The following LIPJ variants were observed in gnomAD, a reference collection of about 807,000 sequenced individuals.
The protein encoded by LIPJ is lipase family member J.
Under a neutral mutation model 39.8 loss-of-function variants are expected in LIPJ, and 33 were observed. The ratio of observed to expected loss-of-function variants is 0.83; its 90% CI spans 0.63 to 1.11. LIPJ has a LOEUF of 1.11. Among genes scored for constraint, LIPJ ranks in the 50% least tolerant of loss-of-function variants. The pLI, the probability that LIPJ is intolerant of heterozygous loss-of-function variation, is 0.00. For missense variants in LIPJ, 422 were observed against 427.9 expected (o/e 0.99, Z 0.12); for synonymous variants, 128 against 139.2 (o/e 0.92, Z 0.57).
intron 8 of LIPJ, among the ~76,000 whole-genome samples, chr10:88,600,983 G>A (rs534091491): frequency 1.3e-5 from 2 of 151,680 alleles, no homozygotes; most frequent in Non-Finnish European, 2.9e-5. Context: ...GAGTTTTGCT[G>A]TGTCAGCCAA....
Position 88,594,288 on chromosome 10 carries a change from T to G in LIPJ, c.329+144T>G, listed in dbSNP as rs541422526. 113 of 645,554 alleles carry G rather than the reference T, an allele frequency of 1.8e-4. 1 individual carries two copies. In the South Asian group the frequency reaches 2.3e-3, roughly 13 times the overall value. 40.0% of individuals were successfully genotyped at this position (645,554 alleles called of 1,614,324 possible). A position where few individuals can be genotyped will look rare whatever the true frequency, so the allele number is the denominator to read the frequency against. On this transcript the variant is annotated intron_variant, in intron 5 of 10. Coordinates refer to ENST00000371939, the Ensembl canonical transcript of LIPJ. Reference sequence around the variant, plus strand: ...ATTACAATTTATGTGAATTTTTGCTTGAAAATTAAAGAGTACTTGTGTGAT... The same window carrying G: ...ATTACAATTTATGTGAATTTTTGCTGGAAAATTAAAGAGTACTTGTGTGAT...
At chr10:88,596,492 T>A in intron 7 of LIPJ, 76 bp downstream of exon 7, 3 of 1,382,714 alleles carry the variant, frequency 2.2e-6, no homozygotes, top group Non-Finnish European at 1.9e-6. Flanking sequence ...AGATCTTGAC[T>A]ATACGTAGAC....
chr10:88,622,177 T>A, the LIPJ span, among the ~76,000 whole-genome samples: 2 of 152,226 alleles, frequency 1.3e-5, no homozygotes, highest in Non-Finnish European at 2.9e-5. Flanking sequence ...AATAGTTGAC[T>A]GACTGATTTT....
intron 8 of LIPJ, 112 bp from the exon 9 acceptor site, chr10:88,602,464 A>T: frequency 1.7e-6 from 1 of 598,760 alleles, no homozygotes; most frequent in Non-Finnish European, 2.7e-6. Context: ...TAATATGATT[A>T]ATTTTAAATT....
At chr10:88,606,301 C>G (rs1375105898) in intron 10 of LIPJ, among the ~76,000 whole-genome samples, 1 of 152,128 alleles carries the variant, frequency 6.6e-6, no homozygotes, top group African/African-American at 2.4e-5. Flanking sequence ...TCAAAGAGAT[C>G]AGAGTTGACG....
chr10:88,606,975 T>G (rs1564941369), exon 11 of LIPJ: 1 of 1,376,358 alleles, frequency 7.3e-7, no homozygotes, highest in African/African-American at 1.5e-5. Flanking sequence ...TATTTTTTTT[T>G]ACCTGTGTAT....
At chr10:88,608,281 C>A (rs1851709793), downstream of LIPJ, among the ~76,000 whole-genome samples, 1 of 152,228 alleles carries the variant, frequency 6.6e-6, no homozygotes, top group African/African-American at 2.4e-5. Context: ...TCGCCTCTCT[C>A]ACATCTCACC....
At chr10:88,608,055 C>T (rs1349437530), downstream of LIPJ, among the ~76,000 whole-genome samples, 5 of 152,184 alleles carry the variant, frequency 3.3e-5, no homozygotes, top group Non-Finnish European at 7.4e-5. Context: ...ACACTCTGCT[C>T]TTAACAAGGC....
At chr10:88,593,204 G>T (rs752586803) in intron 4 of LIPJ, 5 of 151,722 alleles carry the variant, frequency 3.3e-5, no homozygotes, top group Non-Finnish European at 7.4e-5. Context: ...ACCAGGCGGT[G>T]GTCATAGCCT....
intron 2 of LIPJ, among the ~76,000 whole-genome samples, chr10:88,589,257 C>T (rs1433724353): frequency 6.6e-6 from 1 of 151,778 alleles, no homozygotes; most frequent in Non-Finnish European, 1.5e-5. Context: ...AAGCTATTTC[C>T]ATGTACTTAT....
intron 9 of LIPJ, among the ~76,000 whole-genome samples, chr10:88,604,420 T>C (rs560173912): frequency 6.6e-6 from 1 of 152,314 alleles, no homozygotes; most frequent in East Asian, 1.9e-4. Flanking sequence ...TAGACTATAG[T>C]AGAACAAGAG....
At chr10:88,592,496 T>G (rs547350300) in intron 4 of LIPJ, 1 of 151,808 alleles carries the variant, frequency 6.6e-6, no homozygotes, top group Non-Finnish European at 1.5e-5. Flanking sequence ...TAGGATAAAG[T>G]AGGGTAAAGA....
At chr10:88,606,407 A>T (rs1851665727) in intron 10 of LIPJ, among the ~76,000 whole-genome samples, 1 of 152,210 alleles carries the variant, frequency 6.6e-6, no homozygotes, top group South Asian at 2.1e-4. Context: ...TATAAACAGT[A>T]CTGAAATTAC....
At chr10:88,603,475 A>T (rs1851562970) in intron 9 of LIPJ, among the ~76,000 whole-genome samples, 1 of 152,218 alleles carries the variant, frequency 6.6e-6, no homozygotes, top group Admixed American at 6.5e-5. Flanking sequence ...TTGATAAAAA[A>T]AATCCAGTGT....
At chr10:88,612,485 C>T in the LIPJ span, among the ~76,000 whole-genome samples, 1 of 152,038 alleles carries the variant, frequency 6.6e-6, no homozygotes, top group Non-Finnish European at 1.5e-5. Flanking sequence ...CTTCAGGGGA[C>T]TCACCTAACA....
At chr10:88,594,565 A>G (rs946936736) in intron 5 of LIPJ, 102 bp from the exon 6 acceptor site, 5 of 520,448 alleles carry the variant, frequency 9.6e-6, no homozygotes, top group Non-Finnish European at 1.7e-5. Flanking sequence ...ATTAATAACT[A>G]GAGTAGAAAA....
At chr10:88,586,389 C>T (rs1231351624), upstream of LIPJ, among the ~76,000 whole-genome samples, 1 of 151,966 alleles carries the variant, frequency 6.6e-6, no homozygotes, top group Admixed American at 6.6e-5. Context: ...TGAGACAGCC[C>T]CCATGTCTAA....
At position 88,590,923 on chromosome 10, in the gene LIPJ, A is replaced by G. The variant is rs527681984; in HGVS notation, c.9+227A>G. Among the ~76,000 whole-genome samples the G allele has an allele frequency of 2.0e-5, 3 of 151,932 alleles. No homozygotes were observed. In the South Asian group the frequency reaches 6.2e-4, roughly 31 times the overall value. On this transcript the variant is annotated intron_variant, in intron 3 of 10. Coordinates refer to ENST00000371939, the Ensembl canonical transcript of LIPJ. ...TCACATATTTGAAATATATATTCAT[A>G]TATATGAAGGTATGAATATATATCT...
rs113853713 is a variant in LIPJ at position 88,606,227 on chromosome 10, C to T, written c.868-447C>T. Among the ~76,000 whole-genome samples the T allele has an allele frequency of 2.3e-3, 349 of 152,270 alleles. 1 individual carries two copies. The highest frequency in any genetic ancestry group is 7.5e-3 in the African/African-American group (310 of 41,554). ...TCCATACTTTTCTGTCTCATCTAAACGCCAGGCTGATGTGATCTGTTCATA... is the reference window on the plus strand; with the variant it reads ...TCCATACTTTTCTGTCTCATCTAAATGCCAGGCTGATGTGATCTGTTCATA... On this transcript the variant is annotated intron_variant, in intron 10 of 10. Transcript: ENST00000371939.
Sources: allele counts gnomAD v4.1 joint callset (sites outside exome capture counted in the v4.1 genomes callset), GRCh38; gene constraint gnomAD v4.1.1; transcripts MANE v1.5; gene names NCBI Gene and HGNC (gene_info 2026-07-23, HGNC 2026-07-21).